Variants in NECTIN3 observed in about 807,000 individuals in gnomAD.
NECTIN3 encodes nectin-3.
Under a neutral mutation model 49.4 loss-of-function variants are expected in NECTIN3, and 8 were observed. The ratio of observed to expected loss-of-function variants is 0.16; its 90% confidence interval spans 0.10 to 0.29. The LOEUF (loss-of-function observed/expected upper bound fraction) is 0.29, where lower values mean the gene tolerates loss of function less well. NECTIN3 is among the 10% of genes least tolerant of loss of function. The pLI, the probability that NECTIN3 is intolerant of heterozygous loss-of-function variation, is 1.00. For synonymous variants in NECTIN3, 277 were observed against 241.1 expected, an observed-to-expected ratio of 1.15 and a Z score of -1.38; for missense variants, 581 against 654.6, an observed-to-expected ratio of 0.89 and a Z score of 1.23.
chr3:111,093,491 A>G (rs1027054679), intron 1 of NECTIN3, among the ~76,000 whole-genome samples: 2 of 151,140 alleles, frequency 1.3e-5, no homozygotes, highest in African/African-American at 4.9e-5. Context: ...CTGGAGTGCA[A>G]TGGCGTGATC....
At chr3:111,186,612 A>G (rs1185677256) in intron 7 of NECTIN3, among the ~76,000 whole-genome samples, 1 of 152,202 alleles carries the variant, frequency 6.6e-6, no homozygotes, top group African/African-American at 2.4e-5. Flanking sequence ...TAATCTGTAC[A>G]TTAGATCCCC....
chr3:111,169,429 T>G (rs1194135573), intron 7 of NECTIN3, among the ~76,000 whole-genome samples: 1 of 151,346 alleles, frequency 6.6e-6, no homozygotes, highest in African/African-American at 2.4e-5. Context: ...AGATGCTTGA[T>G]GTTTTAAATC....
At chr3:111,141,400 A>G (rs1431104821), downstream of NECTIN3, among the ~76,000 whole-genome samples, 1 of 151,998 alleles carries the variant, frequency 6.6e-6, no homozygotes, top group African/African-American at 2.4e-5. Flanking sequence ...GATGTGAATT[A>G]GGTGTACACA....
chr3:111,179,327 C>T (rs7653595), intron 7 of NECTIN3, among the ~76,000 whole-genome samples: 44,226 of 151,960 alleles, frequency 0.29, 12,300 homozygotes, highest in African/African-American at 0.71. Flanking sequence ...TCAAGATTTC[C>T]AGTCCAGCTG....
chr3:111,104,287 G>C (rs1419407010), intron 1 of NECTIN3, among the ~76,000 whole-genome samples: 3 of 134,074 alleles, frequency 2.2e-5, no homozygotes, highest in Non-Finnish European at 4.8e-5. Flanking sequence ...GCTTGTTAAT[G>C]TATCTTTGGT....
chr3:111,113,398 C>CA (rs1476105629), intron 2 of NECTIN3, among the ~76,000 whole-genome samples: 1 of 152,164 alleles, frequency 6.6e-6, no homozygotes, highest in Non-Finnish European at 1.5e-5. Context: ...CTTCTCACAT[C>CA]ACAGTGTCTG....
chr3:111,105,199 G>A (rs2033123975), intron 1 of NECTIN3, among the ~76,000 whole-genome samples: 1 of 147,726 alleles, frequency 6.8e-6, no homozygotes, highest in Non-Finnish European at 1.5e-5. Flanking sequence ...CTGGAGTGCA[G>A]TGGCACGATC....
intron 4 of NECTIN3, among the ~76,000 whole-genome samples, 183 bp downstream of exon 4, chr3:111,122,421 G>C (rs1205520639): frequency 6.6e-6 from 1 of 151,782 alleles, no homozygotes; most frequent in Admixed American, 6.6e-5. Flanking sequence ...CTGATCTTTA[G>C]AGGCTACTTT....
At chr3:111,117,988 T>C (rs1389116164) in intron 2 of NECTIN3, among the ~76,000 whole-genome samples, 1 of 151,842 alleles carries the variant, frequency 6.6e-6, no homozygotes, top group African/African-American at 2.4e-5. Flanking sequence ...TAAAGTATAT[T>C]TTGTAAATAA....
chr3:111,155,298 G>A (rs184644922), intron 7 of NECTIN3, among the ~76,000 whole-genome samples: 86 of 152,294 alleles, frequency 5.6e-4, no homozygotes, highest in African/African-American at 1.9e-3. Context: ...TAACAATGTA[G>A]TGCCATGCTT....
chr3:111,098,531 C>T (rs941296431), intron 1 of NECTIN3, among the ~76,000 whole-genome samples: 4 of 152,200 alleles, frequency 2.6e-5, no homozygotes, highest in Non-Finnish European at 5.9e-5. Context: ...GCCTTCTCAT[C>T]TCTCTGACCT....
chr3:111,080,126 T>C (rs2031497290), intron 1 of NECTIN3, among the ~76,000 whole-genome samples: 1 of 152,100 alleles, frequency 6.6e-6, no homozygotes. Context: ...GAAATAAGAC[T>C]ATCTAGATTA....
At chr3:111,154,719 C>T (rs1050913663) in intron 7 of NECTIN3, among the ~76,000 whole-genome samples, 5 of 152,240 alleles carry the variant, frequency 3.3e-5, no homozygotes, top group East Asian at 1.9e-4. Flanking sequence ...AGGTTTAAAT[C>T]TGCAGTTTTC....
chr3:111,147,336 G>C lies in NECTIN3; in HGVS notation c.1140-67G>C. The C allele has an allele frequency of 2.5e-6, 3 of 1,218,006 alleles. No homozygotes were observed. In the Admixed American group the frequency reaches 7.4e-5, roughly 30 times the overall value. 75.4% of individuals were successfully genotyped at this position (1,218,006 alleles called of 1,614,324 possible). On this transcript the variant is annotated intron_variant, in intron 6 of 8. Transcript: ENST00000493615. The stretch of plus-strand genomic sequence containing the variant: ...TATTCTCAAAACTTATGAGAACCTT[G>C]ATTTTCTTTTGCTTTTTTTTTTTTT...
rs2035849150 is a variant in NECTIN3 at position 111,193,338 on chromosome 3, C to T, written c.63+925C>T. On this transcript the variant is annotated intron_variant, in intron 1 of 1. Coordinates refer to the NECTIN3 transcript ENST00000485506. ...TGGCAAACATCATCAAAATAACGACCCTAAGAGAGTCTACATCGACCCACG... is the reference window on the plus strand; with the variant it reads ...TGGCAAACATCATCAAAATAACGACTCTAAGAGAGTCTACATCGACCCACG... 4 of 1,535,722 alleles carry T rather than the reference C, an allele frequency of 2.6e-6. No homozygotes were observed. The African/African-American group carries it at 4.1e-5, about 16-fold the overall frequency.
At chr3:111,091,821 A>T (rs1159439958) in intron 1 of NECTIN3, among the ~76,000 whole-genome samples, 1 of 152,198 alleles carries the variant, frequency 6.6e-6, no homozygotes, top group East Asian at 1.9e-4. Context: ...ATTTACCTGC[A>T]AGTGAAATTG....
rs750058644 is a variant in NECTIN3, at chr3:111,117,708, A to G, written c.503-948A>G. ...ACTTGAAGTCCTGGAAATGAAAAAAAAAATCATTGAAATAAAAACTCAATG... is the reference window on the plus strand; with the variant it reads ...ACTTGAAGTCCTGGAAATGAAAAAAGAAATCATTGAAATAAAAACTCAATG... On this transcript the variant is annotated intron_variant, in intron 2 of 5. Transcript: ENST00000485303. 3.2e-4 allele frequency among the ~76,000 whole-genome samples: 49 copies of G among 152,226 alleles called. 2 individuals are homozygous for G. In the Middle Eastern group the frequency reaches 0.041, roughly 128 times the overall value.
intron 1 of NECTIN3, among the ~76,000 whole-genome samples, chr3:111,087,160 G>A (rs1239203657): frequency 6.6e-6 from 1 of 151,938 alleles, no homozygotes; most frequent in African/African-American, 2.4e-5. Flanking sequence ...ATCTATATAA[G>A]CATGCCATCT....
intron 7 of NECTIN3, among the ~76,000 whole-genome samples, chr3:111,164,217 A>T (rs560082196): frequency 1.3e-5 from 2 of 152,290 alleles, no homozygotes; most frequent in African/African-American, 4.8e-5. Flanking sequence ...GTCATCTTTT[A>T]AAAGTCTGGT....
Sources: gnomAD v4.1 joint callset for allele counts (sites outside exome capture counted in the v4.1 genomes callset) on GRCh38, gnomAD v4.1.1 for gene constraint, MANE v1.5 for transcripts, NCBI Gene and HGNC (gene_info 2026-07-23, HGNC 2026-07-21) for gene names.